BRINP2: variants seen among roughly 807,000 people sequenced by gnomAD.
BRINP2 encodes the protein BMP/retinoic acid-inducible neural-specific protein 2.
Under a neutral mutation model 69.2 loss-of-function variants are expected in BRINP2, and 21 were observed. The ratio of observed to expected loss-of-function variants is 0.30; its 90% CI spans 0.22 to 0.44. The LOEUF is 0.44. Ranked by LOEUF, BRINP2 falls within the 20% of genes least tolerant of loss-of-function variation. The pLI is 1.00. For synonymous variants in BRINP2, 380 were observed against 394.1 expected (o/e 0.96, Z 0.42); for missense variants, 877 against 986.0 (o/e 0.89, Z 1.48).
chr1:177,256,398 G>GA, intron 3 of BRINP2: 1 of 985,428 alleles, frequency 1.0e-6, no homozygotes, highest in Non-Finnish European at 1.2e-6. Context: ...TCGCTCCGCT[G>GA]AGTCACCCAA....
intron 2 of BRINP2, among the ~76,000 whole-genome samples, chr1:177,233,469 GGTT>G (rs1341013164): frequency 2.6e-5 from 4 of 152,186 alleles, no homozygotes; most frequent in Non-Finnish European, 5.9e-5. Flanking sequence ...ATTTTTATTA[GGTT>G]GTTCTCTAAA....
chr1:177,257,036 A>T, intron 3 of BRINP2, 140 bp from the exon 4 acceptor site: 1 of 1,543,134 alleles, frequency 6.5e-7, no homozygotes, highest in Non-Finnish European at 8.8e-7. Context: ...TAAAGATGGT[A>T]AGGGCTGGGG....
chr1:177,267,530 C>T (rs113313462), intron 4 of BRINP2, among the ~76,000 whole-genome samples: 1 of 152,142 alleles, frequency 6.6e-6, no homozygotes, highest in African/African-American at 2.4e-5. Flanking sequence ...ATCGCCATGT[C>T]CTCGGTTCCT....
rs912238705 is a variant in BRINP2 at position 177,223,277 on chromosome 1, G to A, written c.-76-6524G>A. Among the ~76,000 whole-genome samples, 8 of 152,206 alleles carry A rather than the reference G, an allele frequency of 5.3e-5. 1 individual carries two copies. The South Asian group carries it at 1.5e-3, about 28-fold the overall frequency. ...TCACACAGAGAGACCTATAAATTTG[G>A]GGCCTCAGAGGAGGGATCCTACTAG... On this transcript the variant is annotated intron_variant, in intron 1 of 7. Transcript: ENST00000361539.
intron 1 of BRINP2, among the ~76,000 whole-genome samples, chr1:177,219,005 T>A (rs1008480961): frequency 6.6e-6 from 1 of 152,172 alleles, no homozygotes; most frequent in African/African-American, 2.4e-5. Flanking sequence ...TAAGCTTTGG[T>A]TGTCTGTAAA....
intron 2 of BRINP2, among the ~76,000 whole-genome samples, chr1:177,246,261 A>G (rs977361755): frequency 5.9e-5 from 9 of 152,232 alleles, no homozygotes; most frequent in African/African-American, 2.2e-4. Context: ...AAAGGTGGAC[A>G]GTACTCCCTG....
intron 3 of BRINP2, chr1:177,256,410 C>G: frequency 1.0e-6 from 1 of 985,426 alleles, no homozygotes; most frequent in Middle Eastern, 5.2e-4. Context: ...GTCACCCAAC[C>G]CCTGAGGCTT....
chr1:177,242,345 C>A (rs926016367), intron 2 of BRINP2, among the ~76,000 whole-genome samples: 1 of 152,156 alleles, frequency 6.6e-6, no homozygotes, highest in Non-Finnish European at 1.5e-5. Context: ...TTCACTATTT[C>A]AACAAATAGT....
intron 4 of BRINP2, among the ~76,000 whole-genome samples, chr1:177,259,244 C>T (rs1356751180): frequency 2.0e-5 from 3 of 152,134 alleles, no homozygotes; most frequent in East Asian, 1.9e-4. Context: ...CAACATTCCC[C>T]GAAGCCAAAG....
At position 177,255,017 on chromosome 1, in the gene BRINP2, A is replaced by G. The variant is rs537414635; in HGVS notation, c.270-902A>G. Reference sequence around the variant, plus strand: ...AAAAGATCCATTCAAATTACAATATAGAACACTGGATTTAATGTAACAAAG... The same window carrying G: ...AAAAGATCCATTCAAATTACAATATGGAACACTGGATTTAATGTAACAAAG... On this transcript the variant is annotated intron_variant, in intron 2 of 7. Coordinates refer to ENST00000361539, the MANE Select transcript of BRINP2 (RefSeq NM_021165.4). 4.7e-4 allele frequency among the ~76,000 whole-genome samples: 72 copies of G among 152,362 alleles called. 1 individual carries two copies. The highest frequency in any genetic ancestry group is 1.6e-3 in the African/African-American group (68 of 41,592).
At chr1:177,245,371 A>T (rs1251651887) in intron 2 of BRINP2, among the ~76,000 whole-genome samples, 1 of 152,214 alleles carries the variant, frequency 6.6e-6, no homozygotes, top group Non-Finnish European at 1.5e-5. Flanking sequence ...AGTCCAAAGA[A>T]GAATGGCCTA....
Position 177,280,490 on chromosome 1 carries a change from A to G in BRINP2, c.1314A>G (p.Glu438=). ...GESTFPGTFL[E]QSHSCTCPYD... Reference sequence around the variant, plus strand: ...GCACCTTTCCTGGCACTTTCCTGGAACAGAGCCACAGCTGCACCTGCCCCT... The same window carrying G: ...GCACCTTTCCTGGCACTTTCCTGGAGCAGAGCCACAGCTGCACCTGCCCCT... The change falls in exon 8 of 8, where the codon GAA becomes GAG. Residue 438 remains glutamate, a synonymous_variant. Coordinates refer to ENST00000361539, the MANE Select transcript of BRINP2 (RefSeq NM_021165.4). The G allele has an allele frequency of 6.8e-6, 11 of 1,614,178 alleles. No individual in the cohort carries two copies. The highest frequency in any genetic ancestry group is 9.3e-6 in the Non-Finnish European group (11 of 1,180,014).
intron 1 of BRINP2, among the ~76,000 whole-genome samples, chr1:177,181,267 T>A (rs991443819): frequency 3.9e-5 from 6 of 152,134 alleles, no homozygotes; most frequent in African/African-American, 1.2e-4. Flanking sequence ...TTCGTGCTTT[T>A]TCCCAATACT....
At chr1:177,213,251 T>G (rs186853646) in intron 1 of BRINP2, among the ~76,000 whole-genome samples, 1 of 152,158 alleles carries the variant, frequency 6.6e-6, no homozygotes, top group Admixed American at 6.5e-5. Context: ...ACTACTGACA[T>G]TTGGGGTCAC....
intron 1 of BRINP2, among the ~76,000 whole-genome samples, chr1:177,201,854 A>G (rs930649559): frequency 3.9e-5 from 6 of 152,160 alleles, no homozygotes; most frequent in Admixed American, 6.5e-5. Flanking sequence ...TTGGTAAGCT[A>G]TTAATTATTG....
chr1:177,210,567 CA>C (rs1649193856), intron 1 of BRINP2, among the ~76,000 whole-genome samples: 1 of 151,968 alleles, frequency 6.6e-6, no homozygotes, highest in Non-Finnish European at 1.5e-5. Context: ...TTATGATAGC[CA>C]CCAGCCACAT....
intron 1 of BRINP2, among the ~76,000 whole-genome samples, chr1:177,227,237 C>T (rs1649723765): frequency 6.6e-6 from 1 of 152,194 alleles, no homozygotes; most frequent in Admixed American, 6.5e-5. Flanking sequence ...GTCTTCCCAC[C>T]CGCATCCACG....
rs538813721 is a variant in BRINP2, at chr1:177,273,525, A to G, written c.707A>G (p.Asn236Ser). ...ETRTGPLGCS[N>S]YDNLDSVSSV... is the part of the protein sequence containing the mutation. Reference sequence around the variant, plus strand: ...AGGACCGGTCCTCTGGGCTGCAGCAACTATGACAATCTGGACTCAGTCAGT... The same window carrying G: ...AGGACCGGTCCTCTGGGCTGCAGCAGCTATGACAATCTGGACTCAGTCAGT... Residue 236 changes from asparagine to serine, a missense_variant, in exon 5 of 8, where the codon AAC becomes AGC. Physicochemically the swap from Asn to Ser is conservative, Grantham distance 46. This residue lies in a region of BRINP2 where 566 missense variants were observed against 625.2 expected (regional missense o/e 0.91). Transcript: ENST00000361539. 6.0e-5 allele frequency: 97 copies of G among 1,610,716 alleles called. No individual in the cohort carries two copies. The highest frequency in any genetic ancestry group is 8.1e-5 in the Non-Finnish European group (95 of 1,178,330).
intron 2 of BRINP2, among the ~76,000 whole-genome samples, chr1:177,247,328 A>C (rs1289498297): frequency 6.6e-6 from 1 of 152,256 alleles, no homozygotes; most frequent in Non-Finnish European, 1.5e-5. Flanking sequence ...TCTCCAAGAC[A>C]AAGGCTCTGA....
Sources: gnomAD v4.1 joint callset for allele counts (sites outside exome capture counted in the v4.1 genomes callset) on GRCh38, gnomAD v4.1.1 for gene constraint, gnomAD v4.1.1 regional missense constraint, MANE v1.5 for transcripts, NCBI Gene and HGNC (gene_info 2026-07-23, HGNC 2026-07-21) for gene names.